Variants in DPP10 observed in about 807,000 individuals in gnomAD.
DPP10 encodes dipeptidyl peptidase like 10.
DPP10 carries 33 observed loss-of-function variants against 120.9 expected under a neutral mutation model. That is an observed-to-expected ratio of 0.27 (90% CI 0.21 to 0.37). The LOEUF (loss-of-function observed/expected upper bound fraction) is 0.37, where lower values mean the gene tolerates loss of function less well. Among genes scored for constraint, DPP10 ranks in the 10% least tolerant of loss-of-function variants. The pLI is 1.00. For synonymous variants in DPP10, 337 were observed against 326.1 expected, an observed-to-expected ratio of 1.03 and a Z score of -0.36; for missense variants, 816 against 942.8, an observed-to-expected ratio of 0.87 and a Z score of 1.76.
chr2:115,118,012 G>C (rs2049612266), intron 1 of DPP10, among the ~76,000 whole-genome samples: 1 of 152,156 alleles, frequency 6.6e-6, no homozygotes, highest in Non-Finnish European at 1.5e-5. Flanking sequence ...GATGATATTT[G>C]CCTGGCAATA....
rs2064567644 is a variant in DPP10, at chr2:115,358,683, C to T, written c.271+14771C>T. Reference sequence around the variant, plus strand: ...CAAATTTACTGTATAAGTCTGTTCTCACGCTGCTATGAAGAGATACCTGAG... The same window carrying T: ...CAAATTTACTGTATAAGTCTGTTCTTACGCTGCTATGAAGAGATACCTGAG... On this transcript the variant is annotated intron_variant, in intron 3 of 25. Coordinates refer to ENST00000410059, the MANE Select transcript of DPP10 (RefSeq NM_020868.6). 2.0e-5 allele frequency among the ~76,000 whole-genome samples: 3 copies of T among 152,144 alleles called. No individual in the cohort carries two copies. In the South Asian group the frequency reaches 6.2e-4, roughly 32 times the overall value.
intron 1 of DPP10, among the ~76,000 whole-genome samples, chr2:114,765,121 A>G (rs1371232686): frequency 6.6e-6 from 1 of 151,930 alleles, no homozygotes; most frequent in African/African-American, 2.4e-5. Context: ...GCACATTTTC[A>G]TTTTTTCTTC....
chr2:115,324,405 G>T (rs551220162), intron 2 of DPP10, among the ~76,000 whole-genome samples: 21 of 152,190 alleles, frequency 1.4e-4, no homozygotes, highest in Non-Finnish European at 2.8e-4. Flanking sequence ...ACTGGCTGTA[G>T]TTTCTACATG....
intron 4 of DPP10, among the ~76,000 whole-genome samples, chr2:115,501,825 A>T (rs542492080): frequency 9.9e-5 from 15 of 152,166 alleles, no homozygotes; most frequent in Admixed American, 8.5e-4. Flanking sequence ...TTTAATACTA[A>T]CGTTAGGCTA....
At chr2:115,786,062 G>C (rs2149889296) in intron 17 of DPP10, among the ~76,000 whole-genome samples, 1 of 152,214 alleles carries the variant, frequency 6.6e-6, no homozygotes, top group South Asian at 2.1e-4. Context: ...AATAGGGGAA[G>C]ATATTTACTT....
intron 1 of DPP10, among the ~76,000 whole-genome samples, chr2:114,873,245 G>A (rs1037615374): frequency 2.6e-5 from 4 of 152,110 alleles, no homozygotes; most frequent in African/African-American, 9.7e-5. Flanking sequence ...GTCAAAAGGT[G>A]GCACATGTTC....
chr2:115,759,477 A>G (rs1679833222), intron 11 of DPP10, among the ~76,000 whole-genome samples: 1 of 152,194 alleles, frequency 6.6e-6, no homozygotes, highest in Non-Finnish European at 1.5e-5. Context: ...TATTATACAT[A>G]ATTAGAATGA....
At chr2:114,507,047 TTTC>T (rs930774828) in intron 1 of DPP10, among the ~76,000 whole-genome samples, 17 of 150,024 alleles carry the variant, frequency 1.1e-4, no homozygotes, top group African/African-American at 4.2e-4. Context: ...TTTCTTTTTT[TTTC>T]TTTTTTTTTT....
intron 1 of DPP10, among the ~76,000 whole-genome samples, chr2:114,965,119 G>A (rs772295946): frequency 3.3e-5 from 5 of 151,902 alleles, no homozygotes; most frequent in Non-Finnish European, 7.4e-5. Flanking sequence ...TAAGAGTTCA[G>A]TTTGGGACTT....
At chr2:115,018,520 G>A (rs1702834233) in intron 1 of DPP10, among the ~76,000 whole-genome samples, 1 of 152,140 alleles carries the variant, frequency 6.6e-6, no homozygotes, top group Non-Finnish European at 1.5e-5. Flanking sequence ...GGAATACTAT[G>A]CAGCTATAAA....
chr2:114,636,089 A>G (rs1695281468), intron 1 of DPP10, among the ~76,000 whole-genome samples: 1 of 151,994 alleles, frequency 6.6e-6, no homozygotes, highest in Non-Finnish European at 1.5e-5. Context: ...TCTGCTGAGT[A>G]CTTGAGTCTA....
At chr2:115,015,768 A>G (rs1477563203) in intron 1 of DPP10, among the ~76,000 whole-genome samples, 1 of 152,188 alleles carries the variant, frequency 6.6e-6, no homozygotes, top group Non-Finnish European at 1.5e-5. Context: ...AAGAGAATAA[A>G]ATACCTAGGA....
chr2:114,480,608 C>CA (rs1042181219), intron 1 of DPP10, among the ~76,000 whole-genome samples: 2 of 145,814 alleles, frequency 1.4e-5, no homozygotes, highest in East Asian at 4.0e-4. Context: ...ATCGCAAGGA[C>CA]AAAAAACCAA....
chr2:115,549,940 T>C (rs1410572143), intron 5 of DPP10, among the ~76,000 whole-genome samples: 1 of 152,156 alleles, frequency 6.6e-6, no homozygotes, highest in African/African-American at 2.4e-5. Context: ...CAATGCCCTT[T>C]TTCCCACATC....
At chr2:115,360,315 C>T (rs1306171735) in intron 3 of DPP10, among the ~76,000 whole-genome samples, 2 of 152,062 alleles carry the variant, frequency 1.3e-5, no homozygotes, top group African/African-American at 4.8e-5. Flanking sequence ...GAGGGTGTGA[C>T]TGTAGTGAAT....
At chr2:115,500,447 A>G (rs1217286206) in intron 4 of DPP10, among the ~76,000 whole-genome samples, 3 of 152,022 alleles carry the variant, frequency 2.0e-5, no homozygotes, top group African/African-American at 4.8e-5. Context: ...TTAAAAATGT[A>G]TTCTACTTGT....
At chr2:114,840,907 T>C (rs1362430561) in intron 1 of DPP10, among the ~76,000 whole-genome samples, 3 of 152,154 alleles carry the variant, frequency 2.0e-5, no homozygotes, top group Non-Finnish European at 4.4e-5. Context: ...CCTGCCTCTG[T>C]TCCACAGGCA....
At chr2:115,109,450 C>T (rs534407075) in intron 1 of DPP10, among the ~76,000 whole-genome samples, 1 of 152,082 alleles carries the variant, frequency 6.6e-6, no homozygotes, top group African/African-American at 2.4e-5. Context: ...GCAGGAGAAT[C>T]GCTTGAAACA....
intron 1 of DPP10, among the ~76,000 whole-genome samples, chr2:114,596,195 A>T (rs1691893795): frequency 6.6e-6 from 1 of 152,024 alleles, no homozygotes; most frequent in Admixed American, 6.6e-5. Flanking sequence ...ATTTCTTGAA[A>T]ATTGTGGAGG....
Sources: allele counts gnomAD v4.1 joint callset (sites outside exome capture counted in the v4.1 genomes callset), GRCh38; gene constraint gnomAD v4.1.1; transcripts MANE v1.5; gene names NCBI Gene and HGNC (gene_info 2026-07-23, HGNC 2026-07-21).